MYO1F: variants seen among roughly 807,000 people sequenced by gnomAD.
MYO1F encodes unconventional myosin-If.
A neutral mutation model predicts 146.6 loss-of-function variants in MYO1F; 60 were observed. The observed-to-expected ratio is 0.41, with a 90% CI of 0.33 to 0.51. The LOEUF is 0.51. Ranked by LOEUF, MYO1F falls within the 20% of genes least tolerant of loss-of-function variation. The pLI is 0.25. For synonymous variants in MYO1F, 602 were observed against 602.1 expected, an observed-to-expected ratio of 1.00 and a Z score of 0.00; for missense variants, 1,274 against 1,534.3, an observed-to-expected ratio of 0.83 and a Z score of 2.83.
chr19:8,552,248 G>T (rs1259207003), intron 6 of MYO1F, 84 bp from the exon 7 acceptor site: 37 of 1,413,280 alleles, frequency 2.6e-5, no homozygotes, highest in Non-Finnish European at 3.7e-5. Context: ...TATGAGCCTT[G>T]CCTCTCTTCC....
intron 1 of MYO1F, among the ~76,000 whole-genome samples, chr19:8,560,987 T>C (rs950388774): frequency 6.6e-6 from 1 of 151,438 alleles, no homozygotes; most frequent in African/African-American, 2.4e-5. Context: ...TCTGCCCGCC[T>C]CGGCCTCCCA....
At position 8,526,493 on chromosome 19, in the gene MYO1F, G is replaced by C; in HGVS notation, c.2730C>G (p.Thr910=). 6.4e-7 allele frequency: 1 copy of C among 1,571,630 alleles called. No individual in the cohort carries two copies. The highest frequency in any genetic ancestry group is 2.3e-5 in the East Asian group (1 of 43,448). Residue 910 remains threonine (T), a synonymous_variant, in exon 24 of 28, where the codon ACC becomes ACG. Coordinates refer to ENST00000644032, the MANE Select transcript of MYO1F (RefSeq NM_012335.4). ...GCCCATCGCCCACGCTGACCGTGAG[G>C]GTCCGACCGCCAACCTTGAGCACTG... ...DLAVLKVGGR[T]LTVSVGDGLP... is the part of the protein sequence containing the mutation.
Position 8,527,415 on chromosome 19 carries a change from C to G in MYO1F, c.2397G>C (p.Lys799Asn). ...CACACACCTGGCCCTTCTCAGGTCC[C>G]TTCTTCACTTTCTCTCGCCCAATCA... ...VYVIGREKVKKGPEKGQVCEV... is the reference protein window; with the variant it reads ...VYVIGREKVKNGPEKGQVCEV... The change falls in exon 22 of 28, where the codon AAG becomes AAC. Residue 799 changes from lysine (K) to asparagine (N), a missense_variant. Physicochemically the swap from Lys to Asn is moderately conservative, Grantham distance 94. Around this residue, in one of 2 missense-constraint regions of MYO1F, gnomAD observed 900 missense variants for 1,155.1 expected, o/e 0.78. Coordinates refer to ENST00000644032, the MANE Select transcript of MYO1F (RefSeq NM_012335.4). 6.2e-7 allele frequency: 1 copy of G among 1,614,084 alleles called. No individual in the cohort carries two copies. Among genetic ancestry groups the G allele is most frequent in the South Asian group, 1.1e-5 (1 of 91,072 alleles).
intron 24 of MYO1F, 104 bp downstream of exon 24, chr19:8,526,349 G>GTT: frequency 1.4e-6 from 2 of 1,383,210 alleles, no homozygotes; most frequent in South Asian, 2.6e-5. Context: ...AAACTCAAAA[G>GTT]TCTCTCTCTC....
In MYO1F at chr19:8,550,214, G is replaced by C. The variant is rs745838171; in HGVS notation, c.1047C>G (p.Thr349=). The C allele has an allele frequency of 6.2e-7, 1 of 1,614,166 alleles. No homozygotes were observed. Among genetic ancestry groups the C allele is most frequent in the Non-Finnish European group, 8.5e-7 (1 of 1,180,044 alleles). ...VTLNVEQAAY[T]RDALAKGLYA... is the part of the protein sequence containing the mutation. ...AGAGCCCCTTGGCCAGGGCATCACG[G>C]GTGTAGGCTGCCTGCTCCACGTTGA... The change falls in exon 10 of 28, where the codon ACC becomes ACG. Residue 349 remains threonine (T), a synonymous_variant. Coordinates refer to ENST00000644032, the MANE Select transcript of MYO1F (RefSeq NM_012335.4).
intron 25 of MYO1F, among the ~76,000 whole-genome samples, chr19:8,524,582 CAAAAA>C (rs35275313): frequency 1.5e-5 from 2 of 132,070 alleles, no homozygotes; most frequent in Admixed American, 7.6e-5. Context: ...GAGACTGTCT[CAAAAA>C]AAAAAAAAAA....
At chr19:8,562,152 G>A (rs1214586323) in intron 1 of MYO1F, among the ~76,000 whole-genome samples, 3 of 146,288 alleles carry the variant, frequency 2.1e-5, no homozygotes, top group Non-Finnish European at 4.5e-5. Context: ...CTCCTGCCCG[G>A]CTAATTTTTT....
At chr19:8,562,706 A>G (rs2041927889) in intron 1 of MYO1F, among the ~76,000 whole-genome samples, 1 of 146,494 alleles carries the variant, frequency 6.8e-6, no homozygotes, top group African/African-American at 2.5e-5. Context: ...AGCTACTTAA[A>G]TTTTTTTTTT....
Position 8,530,240 on chromosome 19 carries a change from C to T in MYO1F, c.2284G>A (p.Val762Met), listed in dbSNP as rs775707003. 4 of 1,613,984 alleles carry T rather than the reference C, an allele frequency of 2.5e-6. No individual in the cohort carries two copies. Among genetic ancestry groups the T allele is most frequent in the African/African-American group, 1.3e-5 (1 of 74,892 alleles). ...TTGGTGACCGAATCGGCGAAGTCCA[C>T]CCGCTCCCTCTTGCCCAGGAACTGA... ...LRQFLGKRER[V>M]DFADSVTKYD... The change falls in exon 21 of 28, where the codon GTG becomes ATG. Residue 762 changes from valine (V) to methionine (M), a missense_variant. Val to Met is a conservative substitution (Grantham distance 21). Coordinates refer to ENST00000644032, the MANE Select transcript of MYO1F (RefSeq NM_012335.4). The surrounding 1 kb of genome is among the most constrained non-coding windows in gnomAD (Gnocchi z 5.8).
intron 5 of MYO1F, 38 bp from the exon 6 acceptor site, chr19:8,553,266 T>A (rs1973691341): frequency 3.1e-6 from 5 of 1,611,746 alleles, no homozygotes; most frequent in Admixed American, 1.7e-5. Flanking sequence ...GAAGTCAGAC[T>A]GAGGCAGGAG....
At chr19:8,560,720 C>T (rs556624001) in intron 1 of MYO1F, among the ~76,000 whole-genome samples, 2 of 146,580 alleles carry the variant, frequency 1.4e-5, no homozygotes, top group East Asian at 4.1e-4. Context: ...AGACTACAGG[C>T]ACATGCCACC....
chr19:8,540,838 C>A (rs1972932027), intron 15 of MYO1F, among the ~76,000 whole-genome samples: 1 of 152,082 alleles, frequency 6.6e-6, no homozygotes. Flanking sequence ...GAAACCCTTA[C>A]GTGCACATGG....
At chr19:8,575,200 C>T (rs1555733511) in intron 1 of MYO1F, among the ~76,000 whole-genome samples, 2 of 151,606 alleles carry the variant, frequency 1.3e-5, no homozygotes, top group Non-Finnish European at 2.9e-5. Context: ...CCTCAGCCTC[C>T]CGAGTAGCTA....
chr19:8,543,765 GTGC>G (rs1268242398), intron 14 of MYO1F, among the ~76,000 whole-genome samples: 11 of 9,534 alleles, frequency 1.2e-3, no homozygotes, highest in African/African-American at 2.9e-3. Flanking sequence ...GGTGGTGGTG[GTGC>G]TGGTGGTGCT....
rs1351006135 is a variant in MYO1F, at chr19:8,523,309, A to AG, written c.2855-481dup. 8.5e-5 allele frequency among the ~76,000 whole-genome samples: 13 copies of AG among 152,228 alleles called. No homozygotes were observed. The East Asian group carries it at 2.3e-3, about 27-fold the overall frequency. On this transcript the variant is annotated intron_variant, in intron 25 of 27. Transcript: ENST00000644032. Reference sequence around the variant, plus strand: ...TGGCCTCCCAAAGTGCTGGGATTACAGGCATGAGCCACCGCGCCTGGCCAA... The same window carrying AG: ...TGGCCTCCCAAAGTGCTGGGATTACAGGGCATGAGCCACCGCGCCTGGCCAA...
At chr19:8,553,001 C>T (rs1973678598) in intron 6 of MYO1F, 138 bp downstream of exon 6, 2 of 836,814 alleles carry the variant, frequency 2.4e-6, no homozygotes, top group African/African-American at 1.7e-5. Context: ...TGAGTCTCCC[C>T]TTCAGGAGTA....
At chr19:8,559,881 C>T (rs1054309974) in intron 1 of MYO1F, among the ~76,000 whole-genome samples, 6 of 142,138 alleles carry the variant, frequency 4.2e-5, no homozygotes, top group East Asian at 4.4e-4. Context: ...ACCCAGGAGG[C>T]GGAGGTTGCG....
rs745692023 is a variant in MYO1F, at chr19:8,521,478, C to A, written c.*50G>T. 6.3e-7 allele frequency: 1 copy of A among 1,592,368 alleles called. No individual in the cohort carries two copies. The highest frequency in any genetic ancestry group is 8.6e-7 in the Non-Finnish European group (1 of 1,163,832). ...GGCAGGGCCTGGCTCCCCACCAGGC[C>A]GGCAGGCAGATAGGCGGGCGAAAGA... On this transcript the variant is annotated 3_prime_UTR_variant, in exon 28 of 28. Transcript: ENST00000644032.
rs374157870 is a variant in MYO1F at position 8,553,868 on chromosome 19, T to TCA, written c.327-433_327-432dup. Reference sequence around the variant, plus strand: ...GCCTGGGTGACAGACTGAGACTCTGTCACACACACACACACACACACACAC... The same window carrying TCA: ...GCCTGGGTGACAGACTGAGACTCTGTCACACACACACACACACACACACACAC... On this transcript the variant is annotated intron_variant, in intron 4 of 27. Transcript: ENST00000644032. 8.1e-3 allele frequency among the ~76,000 whole-genome samples: 982 copies of TCA among 121,554 alleles called. 19 individuals are homozygous for TCA. The highest frequency in any genetic ancestry group is 8.6e-3 in the Non-Finnish European group (512 of 59,646). The allele number at this position is 121,554 out of a possible 152,430, so 79.7% of individuals were successfully genotyped here.
Sources: allele counts gnomAD v4.1 joint callset (sites outside exome capture counted in the v4.1 genomes callset), GRCh38; gene constraint gnomAD v4.1.1; regional missense constraint gnomAD v4.1.1; non-coding constraint Gnocchi (gnomAD v3.1); transcripts MANE v1.5; gene names NCBI Gene and HGNC (gene_info 2026-07-23, HGNC 2026-07-21).